EPG5: variants seen among roughly 807,000 people sequenced by gnomAD.
EPG5 encodes ectopic P-granules 5 autophagy tethering factor.
Under a neutral mutation model 302.7 loss-of-function variants are expected in EPG5, and 159 were observed. The ratio of observed to expected loss-of-function variants is 0.53; its 90% CI spans 0.46 to 0.60. The LOEUF (loss-of-function observed/expected upper bound fraction) is 0.60, where lower values mean the gene tolerates loss of function less well. Ranked by LOEUF, EPG5 falls within the 20% of genes least tolerant of loss-of-function variation. The pLI, the probability that EPG5 is intolerant of heterozygous loss-of-function variation, is 0.00. For synonymous variants in EPG5, 1,158 were observed against 1,136.8 expected (o/e 1.02, Z -0.37); for missense variants, 2,896 against 3,092.4 (o/e 0.94, Z 1.51).
downstream of EPG5, among the ~76,000 whole-genome samples, chr18:45,845,931 G>A (rs781474659): frequency 7.9e-5 from 12 of 152,216 alleles, no homozygotes; most frequent in Non-Finnish European, 1.6e-4. Flanking sequence ...AAACCACCCA[G>A]GGGATAATCT....
intron 16 of EPG5, 124 bp downstream of exon 16, chr18:45,922,217 A>G: frequency 8.4e-7 from 1 of 1,197,482 alleles, no homozygotes; most frequent in African/African-American, 1.5e-5. Context: ...ATCAAGGATT[A>G]TTATTTGGCC....
At chr18:45,838,812 C>G in the EPG5 span, 1 of 1,559,306 alleles carries the variant, frequency 6.4e-7, no homozygotes, top group Non-Finnish European at 8.6e-7. Flanking sequence ...CGCCCGCCCT[C>G]GCCTGGTCCG....
At chr18:45,936,236 G>A (rs1362729811) in intron 10 of EPG5, among the ~76,000 whole-genome samples, 19 of 152,148 alleles carry the variant, frequency 1.2e-4, no homozygotes, top group Admixed American at 1.2e-3. Context: ...AGCAATTTGA[G>A]AGCAGAAACC....
At chr18:45,812,705 C>A in the EPG5 span, among the ~76,000 whole-genome samples, 3 of 152,054 alleles carry the variant, frequency 2.0e-5, no homozygotes, top group African/African-American at 7.2e-5. Context: ...ATGGGAAAAC[C>A]GGCTAGCCAT....
At chr18:45,839,047 C>T in the EPG5 span, 1 of 1,537,724 alleles carries the variant, frequency 6.5e-7, no homozygotes, top group Non-Finnish European at 8.7e-7. Flanking sequence ...CTTCAAGGCG[C>T]TGCTGCTGCT....
At chr18:45,836,915 G>A in the EPG5 span, 1 of 684,478 alleles carries the variant, frequency 1.5e-6, no homozygotes, top group Non-Finnish European at 2.7e-6. Context: ...TGTAGAGTGA[G>A]GCGATCCTGA....
rs2048431670 is a variant in EPG5, at chr18:45,852,186, G to A, written c.*281C>T. ...GATGACTGGGACATTCGGCAACTGT[G>A]AGTGGCTCTGCACCCAAGTGGAACT... On this transcript the variant is annotated 3_prime_UTR_variant, in exon 44 of 44. Transcript: ENST00000282041. 3.8e-6 allele frequency: 1 copy of A among 264,800 alleles called. No homozygotes were observed. The highest frequency in any genetic ancestry group is 1.0e-4 in the South Asian group (1 of 9,904). 16.4% of individuals were successfully genotyped at this position (264,800 alleles called of 1,614,324 possible).
intron 38 of EPG5, 103 bp from the exon 39 acceptor site, chr18:45,865,862 G>T: frequency 7.7e-7 from 1 of 1,296,576 alleles, no homozygotes; most frequent in Non-Finnish European, 1.1e-6. Context: ...CTTGGGTAGG[G>T]AGTAGAGGGG....
chr18:45,825,870 G>T, the EPG5 span: 3 of 1,502,646 alleles, frequency 2.0e-6, no homozygotes, highest in Non-Finnish European at 2.8e-6. Context: ...AAGGCAGGAA[G>T]CAGGTGTGCA....
chr18:45,959,785 G>C (rs1640397056), intron 1 of EPG5, among the ~76,000 whole-genome samples: 1 of 152,026 alleles, frequency 6.6e-6, no homozygotes, highest in African/African-American at 2.4e-5. Flanking sequence ...TTCAAGACCA[G>C]CCTGACCAAC....
intron 43 of EPG5, 101 bp from the exon 44 acceptor site, chr18:45,852,750 G>T: frequency 9.4e-7 from 1 of 1,060,030 alleles, no homozygotes; most frequent in Non-Finnish European, 1.4e-6. Context: ...TCAACTGTGA[G>T]CCTTGTGGGA....
At chr18:45,913,090 CAAAAAAA>C (rs34356703) in intron 21 of EPG5, among the ~76,000 whole-genome samples, 9 of 108,350 alleles carry the variant, frequency 8.3e-5, no homozygotes, top group African/African-American at 2.8e-4. Flanking sequence ...GACTCTGTCT[CAAAAAAA>C]AAAAAAAGAA....
At chr18:45,905,195 C>T (rs570944055) in intron 24 of EPG5, among the ~76,000 whole-genome samples, 1 of 152,234 alleles carries the variant, frequency 6.6e-6, no homozygotes, top group African/African-American at 2.4e-5. Context: ...GGGGGACTGC[C>T]TTTAACAACA....
At position 45,848,261 on chromosome 18, in the gene EPG5, G is replaced by GA. The variant is rs1361249386; in HGVS notation, c.*4205dup. 6.6e-6 allele frequency: 1 copy of GA among 152,144 alleles called. No homozygotes were observed. Among genetic ancestry groups the GA allele is most frequent in the Admixed American group, 6.5e-5 (1 of 15,272 alleles). 9.4% of individuals were successfully genotyped at this position (152,144 alleles called of 1,614,324 possible). On this transcript the variant is annotated 3_prime_UTR_variant, in exon 44 of 44. Transcript: ENST00000282041. The stretch of plus-strand genomic sequence containing the variant: ...TTAATAAGACAAAGTTAACTGATCA[G>GA]AAAAATGATCAGCTACTATCTCAAA...
Position 45,858,684 on chromosome 18 carries a change from C to T in EPG5, c.7108G>A (p.Gly2370Ser), listed in dbSNP as rs1319067325. The T allele has an allele frequency of 2.5e-6, 4 of 1,613,928 alleles. No homozygotes were observed. Among genetic ancestry groups the T allele is most frequent in the Non-Finnish European group, 3.4e-6 (4 of 1,180,008 alleles). ...TAGACGTAAAGAGTCAAGTAACTGC[C>T]CAAGGTGAGGCACTCCTGCAGGAAC... ...EEFLQECLTLGSYLTLYVYLL... is the reference protein window; with the variant it reads ...EEFLQECLTLSSYLTLYVYLL... The change falls in exon 41 of 44, where the codon GGC (glycine) becomes AGC (serine). Residue 2370 changes from glycine (G) to serine (S), a missense_variant. This residue lies in a region of EPG5 where 620 missense variants were observed against 704.2 expected (regional missense o/e 0.88). Coordinates refer to ENST00000282041, the MANE Select transcript of EPG5 (RefSeq NM_020964.3).
intron 23 of EPG5, 83 bp from the exon 24 acceptor site, chr18:45,908,164 A>AC (rs1182634875): frequency 1.8e-6 from 2 of 1,111,766 alleles, no homozygotes; most frequent in East Asian, 5.4e-5. Context: ...GAACACTGGC[A>AC]CCCCTACATA....
intron 9 of EPG5, among the ~76,000 whole-genome samples, chr18:45,942,489 G>C (rs996149292): frequency 7.9e-5 from 12 of 152,016 alleles, no homozygotes; most frequent in African/African-American, 2.9e-4. Flanking sequence ...TGTAATCCCA[G>C]CTACTCAGGA....
At chr18:45,884,836 G>A (rs1472072936) in intron 29 of EPG5, 25 bp from the exon 30 acceptor site, 1 of 1,472,568 alleles carries the variant, frequency 6.8e-7, no homozygotes, top group Non-Finnish European at 9.0e-7. Context: ...AAGGAAAAAT[G>A]TCACCAGATT....
chr18:45,884,563 GCAACAATCATTCCTACGTTT>G, intron 30 of EPG5, 34 bp downstream of exon 30: 1 of 1,476,042 alleles, frequency 6.8e-7, no homozygotes, highest in East Asian at 2.5e-5. Context: ...AGAGGAGGAA[GCAACAATCATTCCTACGTTT>G]CAACAATATG....
Sources: allele counts gnomAD v4.1 joint callset (sites outside exome capture counted in the v4.1 genomes callset), GRCh38; gene constraint gnomAD v4.1.1; regional missense constraint gnomAD v4.1.1; transcripts MANE v1.5; gene names NCBI Gene and HGNC (gene_info 2026-07-23, HGNC 2026-07-21).